The following ST3GAL6 variants were observed in gnomAD, a reference collection of about 807,000 sequenced individuals.
ST3GAL6 encodes ST3 beta-galactoside alpha-2,3-sialyltransferase 6.
In ST3GAL6, 31 loss-of-function variants were observed where a neutral mutation model predicts 40.5. That is an observed-to-expected ratio of 0.77 (90% CI 0.58 to 1.03). The LOEUF (loss-of-function observed/expected upper bound fraction) is 1.03. Among genes scored for constraint, ST3GAL6 ranks in the 50% least tolerant of loss-of-function variants. The pLI is 0.00. For synonymous variants in ST3GAL6, 129 were observed against 136.9 expected (o/e 0.94, Z 0.40); for missense variants, 357 against 393.2 (o/e 0.91, Z 0.78).
chr3:98,782,110 C>T, intron 5 of ST3GAL6: 3 of 636,492 alleles, frequency 4.7e-6, no homozygotes, highest in Non-Finnish European at 8.4e-6. Context: ...CATGGCCCCA[C>T]AGCAGAGAGC....
intron 1 of ST3GAL6, among the ~76,000 whole-genome samples, chr3:98,751,827 A>C (rs1937029472): frequency 1.3e-5 from 2 of 152,262 alleles, no homozygotes; most frequent in Non-Finnish European, 2.9e-5. Context: ...CATATGTCTA[A>C]CAAATGGAAA....
At chr3:98,762,834 G>A (rs539724274), upstream of ST3GAL6, 52 of 985,372 alleles carry the variant, frequency 5.3e-5, no homozygotes, top group African/African-American at 8.5e-4. Flanking sequence ...TATCTAGCAT[G>A]GGGATGAAAA....
chr3:98,773,022 G>A, intron 4 of ST3GAL6, 106 bp downstream of exon 4: 1 of 639,400 alleles, frequency 1.6e-6, no homozygotes, highest in South Asian at 2.3e-5. Flanking sequence ...GCTTCCTAAT[G>A]ATTTCCAATG....
chr3:98,755,087 G>T (rs149379251), intron 1 of ST3GAL6, among the ~76,000 whole-genome samples: 2 of 151,978 alleles, frequency 1.3e-5, no homozygotes, highest in East Asian at 1.9e-4. Context: ...TCGCTCTGTC[G>T]CCCAGCCTGG....
chr3:98,745,786 TTATA>T (rs1237639305), intron 1 of ST3GAL6, among the ~76,000 whole-genome samples: 1 of 152,210 alleles, frequency 6.6e-6, no homozygotes, highest in African/African-American at 2.4e-5. Flanking sequence ...TTTAGGCTAA[TTATA>T]TATTATATAT....
intron 1 of ST3GAL6, among the ~76,000 whole-genome samples, chr3:98,751,414 T>G (rs528239300): frequency 9.8e-5 from 15 of 152,320 alleles, no homozygotes; most frequent in African/African-American, 3.4e-4. Flanking sequence ...ACTTCTCTAA[T>G]AGTAGGCATT....
At chr3:98,762,854 T>C, upstream of ST3GAL6, 3 of 985,462 alleles carry the variant, frequency 3.0e-6, no homozygotes, top group Non-Finnish European at 3.6e-6. Context: ...ATATCCGTGA[T>C]TTCATCCTTA....
intron 1 of ST3GAL6, 99 bp from the exon 2 acceptor site, chr3:98,768,331 T>G (rs1938604456): frequency 1.2e-6 from 1 of 860,790 alleles, no homozygotes; most frequent in South Asian, 1.4e-5. Flanking sequence ...TAGTTCCTTT[T>G]GTATATTTTT....
At chr3:98,763,140 G>T, upstream of ST3GAL6, 1 of 985,414 alleles carries the variant, frequency 1.0e-6, no homozygotes, top group Non-Finnish European at 1.2e-6. Context: ...GTGAGGCTTA[G>T]GCTTAGGGGA....
chr3:98,772,653 C>T lies in ST3GAL6; in HGVS notation c.168-160C>T, dbSNP rs1249232673. On this transcript the variant is annotated intron_variant, in intron 3 of 9. Coordinates refer to ENST00000483910, the MANE Select transcript of ST3GAL6 (RefSeq NM_001323368.2). ...CCCCATTCTATGCAATATTTCAGCA[C>T]GGTTTAAAGTTATTTTTAAAAATTA... 4.0e-5 allele frequency among the ~76,000 whole-genome samples: 6 copies of T among 151,700 alleles called. No homozygotes were observed. The East Asian group carries it at 7.7e-4, about 20-fold the overall frequency.
upstream of ST3GAL6, among the ~76,000 whole-genome samples, chr3:98,760,972 ATATATAT>A (rs1234266552): frequency 3.9e-5 from 6 of 152,236 alleles, no homozygotes; most frequent in African/African-American, 1.2e-4. Context: ...CAGAAATAAG[ATATATAT>A]TATATGATTC....
intron 1 of ST3GAL6, among the ~76,000 whole-genome samples, chr3:98,754,251 G>T (rs1466253551): frequency 1.3e-5 from 2 of 152,202 alleles, no homozygotes; most frequent in Non-Finnish European, 2.9e-5. Context: ...CACTTTAACA[G>T]AAGTTTGGAA....
At chr3:98,755,341 C>T (rs1023385363) in intron 1 of ST3GAL6, among the ~76,000 whole-genome samples, 2 of 152,060 alleles carry the variant, frequency 1.3e-5, no homozygotes, top group Admixed American at 6.5e-5. Context: ...CCACCGCGCC[C>T]GGCCTGAACT....
rs1019409011 is a variant in ST3GAL6 at position 98,794,205 on chromosome 3, TG to T, written c.*446del. The T allele has an allele frequency of 6.6e-6, 1 of 152,514 alleles. No homozygotes were observed. Among genetic ancestry groups the T allele is most frequent in the African/African-American group, 2.4e-5 (1 of 41,452 alleles). 9.4% of individuals were successfully genotyped at this position (152,514 alleles called of 1,614,324 possible). ...GTGGCAAGCCGAAACCACTTGGCTC[TG>T]GAAATCTAAGTTCATACTGGTTTAA... On this transcript the variant is annotated 3_prime_UTR_variant, in exon 10 of 10. Coordinates refer to ENST00000483910, the MANE Select transcript of ST3GAL6 (RefSeq NM_001323368.2).
chr3:98,770,221 G>T (rs1355048118), intron 2 of ST3GAL6, among the ~76,000 whole-genome samples: 1 of 152,194 alleles, frequency 6.6e-6, no homozygotes, highest in Non-Finnish European at 1.5e-5. Context: ...TCCCAGCTAA[G>T]TCTGGATCCT....
chr3:98,768,342 T>C, intron 1 of ST3GAL6, 88 bp from the exon 2 acceptor site: 2 of 940,236 alleles, frequency 2.1e-6, no homozygotes, highest in Admixed American at 4.1e-5. Context: ...GTATATTTTT[T>C]CCAATAATGC....
At chr3:98,786,308 AAG>A (rs1940703451) in intron 6 of ST3GAL6, among the ~76,000 whole-genome samples, 1 of 152,168 alleles carries the variant, frequency 6.6e-6, no homozygotes, top group Non-Finnish European at 1.5e-5. Flanking sequence ...GAATGTGTAA[AAG>A]AGATGAAGAG....
intron 1 of ST3GAL6, among the ~76,000 whole-genome samples, chr3:98,739,402 C>CA (rs34468318): frequency 0.17 from 25,875 of 151,480 alleles, 2,302 homozygotes; most frequent in Middle Eastern, 0.19. Flanking sequence ...AAAAAAACCC[C>CA]AAAAAAACCC....
At chr3:98,737,292 C>A (rs1418063161) in intron 1 of ST3GAL6, among the ~76,000 whole-genome samples, 1 of 152,156 alleles carries the variant, frequency 6.6e-6, no homozygotes, top group Non-Finnish European at 1.5e-5. Context: ...TTCAGGTGAT[C>A]CGCCCACTTC....
Sources: gnomAD v4.1 joint callset for allele counts (sites outside exome capture counted in the v4.1 genomes callset) on GRCh38, gnomAD v4.1.1 for gene constraint, MANE v1.5 for transcripts, NCBI Gene and HGNC (gene_info 2026-07-23, HGNC 2026-07-21) for gene names.